KY: variants seen among roughly 807,000 people sequenced by gnomAD.
KY encodes kyphoscoliosis peptidase.
Under a neutral mutation model 76.1 loss-of-function variants are expected in KY, and 43 were observed. The observed-to-expected ratio is 0.57, with a 90% confidence interval of 0.44 to 0.73. KY has a LOEUF of 0.73. KY is among the 30% of genes least tolerant of loss of function. The pLI, the probability that KY is intolerant of heterozygous loss-of-function variation, is 0.00. For synonymous variants in KY, 277 were observed against 326.2 expected, an observed-to-expected ratio of 0.85 and a Z score of 1.63; for missense variants, 722 against 828.9, an observed-to-expected ratio of 0.87 and a Z score of 1.58.
chr3:134,627,782 C>T lies in KY; in HGVS notation c.374G>A (p.Arg125Gln), dbSNP rs1324864485. The T allele has an allele frequency of 1.1e-5, 18 of 1,613,748 alleles. No individual in the cohort carries two copies. Among genetic ancestry groups the T allele is most frequent in the Middle Eastern group, 1.6e-4 (1 of 6,084 alleles). Residue 125 changes from arginine to glutamine, a missense_variant, in exon 5 of 11, where the codon CGG becomes CAG. By Grantham distance (43) the Arg-to-Gln change is conservative. Coordinates refer to ENST00000423778, the MANE Select transcript of KY (RefSeq NM_178554.6). ...ATGGGCATCTTTCCCTCCAGGTTGC[C>T]GGGGTCTTGTGTTTCCATTTTTATC... ...QGDKNGNTRPRQPGGKDAHAY... is the reference protein window; with the variant it reads ...QGDKNGNTRPQQPGGKDAHAY...
intron 8 of KY, 78 bp downstream of exon 8, chr3:134,619,062 TGGCATGTG>T: frequency 9.0e-7 from 1 of 1,114,830 alleles, no homozygotes; most frequent in Non-Finnish European, 1.4e-6. Flanking sequence ...GTTTCAGGCC[TGGCATGTG>T]GGCAAAGGCA....
Position 134,602,287 on chromosome 3 carries a change from C to T in KY, c.*1292G>A, listed in dbSNP as rs1164554274. Among the ~76,000 whole-genome samples, 4 of 152,124 alleles carry T rather than the reference C, an allele frequency of 2.6e-5. No individual in the cohort carries two copies. Among genetic ancestry groups the T allele is most frequent in the African/African-American group, 9.7e-5 (4 of 41,434 alleles). ...CCCTCGCTGAAGTCAGCCTTTCCTC[C>T]GTTGCCATGGCAACGGCAGCCTGAG... On this transcript the variant is annotated 3_prime_UTR_variant, in exon 11 of 11. Coordinates refer to ENST00000423778, the MANE Select transcript of KY (RefSeq NM_178554.6).
chr3:134,650,900 C>G lies in KY; in HGVS notation c.61G>C (p.Glu21Gln). The change falls in exon 1 of 11, where the codon GAG (glutamate) becomes CAG (glutamine). Residue 21 changes from glutamate to glutamine, a missense_variant. Glu to Gln is a conservative substitution (Grantham distance 29). Coordinates refer to ENST00000423778, the MANE Select transcript of KY (RefSeq NM_178554.6). ...GTACCCTGTGCGGCGCGCCGCTTCT[C>G]CGAGTGCACGATCAGCAGCATGTCG... ...SIDMLLIVHS[E>Q]KRRAAQGTLS... is the part of the protein sequence containing the mutation. The G allele has an allele frequency of 6.2e-7, 1 of 1,613,224 alleles. No homozygotes were observed. Among genetic ancestry groups the G allele is most frequent in the Non-Finnish European group, 8.5e-7 (1 of 1,179,508 alleles).
chr3:134,611,786 A>T (rs1960509749), intron 8 of KY, among the ~76,000 whole-genome samples: 1 of 152,230 alleles, frequency 6.6e-6, no homozygotes, highest in Non-Finnish European at 1.5e-5. Flanking sequence ...CCAGGGCTGC[A>T]GCCTCAGTTG....
At chr3:134,608,406 A>G in intron 10 of KY, 1 of 1,473,820 alleles carries the variant, frequency 6.8e-7, no homozygotes, top group South Asian at 1.2e-5. Context: ...TTCTGGGTTT[A>G]TGCTAGTGTG....
intron 8 of KY, 91 bp from the exon 9 acceptor site, chr3:134,610,474 GC>G: frequency 9.2e-7 from 1 of 1,087,884 alleles, no homozygotes; most frequent in Non-Finnish European, 1.4e-6. Flanking sequence ...CATGTTTGCT[GC>G]CCATCAGTCC....
At chr3:134,614,193 A>G (rs967916495) in intron 8 of KY, among the ~76,000 whole-genome samples, 2 of 152,178 alleles carry the variant, frequency 1.3e-5, no homozygotes, top group African/African-American at 4.8e-5. Context: ...AGGAGCTGAG[A>G]GAGCACGGAA....
intron 2 of KY, among the ~76,000 whole-genome samples, chr3:134,644,237 G>A (rs565588275): frequency 5.9e-5 from 9 of 152,322 alleles, no homozygotes; most frequent in Non-Finnish European, 1.0e-4. Context: ...TGCAGGGCAT[G>A]CACGCTACAC....
intron 3 of KY, among the ~76,000 whole-genome samples, chr3:134,640,845 A>G (rs150865921): frequency 2.0e-4 from 31 of 152,256 alleles, no homozygotes; most frequent in African/African-American, 7.2e-4. Flanking sequence ...GGATTATCAC[A>G]ATGCCTCTTA....
At chr3:134,616,747 C>T (rs1478005567) in intron 8 of KY, among the ~76,000 whole-genome samples, 2 of 152,180 alleles carry the variant, frequency 1.3e-5, no homozygotes, top group East Asian at 3.8e-4. Context: ...AGGCAAGTGT[C>T]AATTTTCTGA....
Position 134,608,695 on chromosome 3 carries a change from G to T in KY, c.1044C>A (p.Asn348Lys). The T allele has an allele frequency of 6.2e-7, 1 of 1,614,060 alleles. No individual in the cohort carries two copies. The highest frequency in any genetic ancestry group is 8.5e-7 in the Non-Finnish European group (1 of 1,179,894). ...CTGGGTGGGCACTCAGCATCCCTTT[G>T]TTGTAGAATTCACTCTTGTGATACA... ...NNMYHKSEFYNKGMLSAHPET... is the reference protein window; with the variant it reads ...NNMYHKSEFYKKGMLSAHPET... The change falls in exon 10 of 11, where the codon AAC becomes AAA. Residue 348 changes from asparagine (N) to lysine (K), a missense_variant. This residue lies in a region of KY where 552 missense variants were observed against 680.9 expected (regional missense o/e 0.81). Coordinates refer to ENST00000423778, the MANE Select transcript of KY (RefSeq NM_178554.6).
chr3:134,602,515 C>A lies in KY; in HGVS notation c.*1064G>T, dbSNP rs1238005510. Reference sequence around the variant, plus strand: ...CAGCTGGAATTCTTCCCAGCCCTGGCTTTGCTGGTAGAGACACTGGGGGCA... The same window carrying A: ...CAGCTGGAATTCTTCCCAGCCCTGGATTTGCTGGTAGAGACACTGGGGGCA... On this transcript the variant is annotated 3_prime_UTR_variant, in exon 11 of 11. Transcript: ENST00000423778. Among the ~76,000 whole-genome samples, 1 of 152,210 alleles carries A rather than the reference C, an allele frequency of 6.6e-6. No homozygotes were observed. The highest frequency in any genetic ancestry group is 1.5e-5 in the Non-Finnish European group (1 of 68,026).
In KY at chr3:134,627,831, A is replaced by G; in HGVS notation, c.338-13T>C. The G allele has an allele frequency of 6.2e-7, 1 of 1,606,076 alleles. No individual in the cohort carries two copies. The highest frequency in any genetic ancestry group is 8.5e-7 in the Non-Finnish European group (1 of 1,172,732). On this transcript the variant is annotated splice_polypyrimidine_tract_variant and intron_variant, in intron 4 of 10. Transcript: ENST00000423778. ...TCACCTTGTAAACCTACAATATTCC[A>G]AAGATCAGAAGTATAGATACTTCAG... is the stretch of plus-strand genomic sequence containing the variant.
At chr3:134,643,266 T>C in intron 3 of KY, 50 bp downstream of exon 3, 2 of 1,583,146 alleles carry the variant, frequency 1.3e-6, no homozygotes, top group South Asian at 2.2e-5. Context: ...GAGCATCAGG[T>C]CTGGGCACAC....
At chr3:134,611,693 CAGCTG>C (rs1239339281) in intron 8 of KY, among the ~76,000 whole-genome samples, 2 of 152,242 alleles carry the variant, frequency 1.3e-5, no homozygotes, top group Non-Finnish European at 2.9e-5. Context: ...GTGCTGTACT[CAGCTG>C]AGCTGAGTCT....
chr3:134,604,152 A>AG lies in KY; in HGVS notation c.1412dup (p.Ile472TyrfsTer20). 6.2e-7 allele frequency: 1 copy of AG among 1,607,880 alleles called. No individual in the cohort carries two copies. The highest frequency in any genetic ancestry group is 2.2e-5 in the East Asian group (1 of 44,668). On this transcript the variant is annotated frameshift_variant, in exon 11 of 11. Transcript: ENST00000423778. LOFTEE classifies it high-confidence loss of function. ...AGCGCCCGTCGCTGGTGTGGATGAT[A>AG]GGGTCAGGGTGGGAGGGCTTCATGA...
rs1360914931 is a variant in KY, at chr3:134,651,015, C to A, written c.-55G>T. On this transcript the variant is annotated 5_prime_UTR_variant, in exon 1 of 11. Coordinates refer to ENST00000423778, the MANE Select transcript of KY (RefSeq NM_178554.6). ...GCGGCCGCACGCTAGGCTGCTTGCG[C>A]TGCAAATGGCCCCGTGCGCGCAGCT... 5 of 1,609,598 alleles carry A rather than the reference C, an allele frequency of 3.1e-6. No individual in the cohort carries two copies. Among genetic ancestry groups the A allele is most frequent in the Non-Finnish European group, 4.2e-6 (5 of 1,178,066 alleles).
Position 134,619,282 on chromosome 3 carries a change from G to A in KY, c.593-17C>T, listed in dbSNP as rs768234504. 2 of 1,594,030 alleles carry A rather than the reference G, an allele frequency of 1.3e-6. No homozygotes were observed. Among genetic ancestry groups the A allele is most frequent in the East Asian group, 2.2e-5 (1 of 44,764 alleles). ...TGTCATACTCTATAGGGCAGGTGAG[G>A]GGATCATGAAGAGCTTGAGCCTGGG... is the stretch of plus-strand genomic sequence containing the variant. On this transcript the variant is annotated splice_polypyrimidine_tract_variant and intron_variant, in intron 7 of 10. Coordinates refer to ENST00000423778, the MANE Select transcript of KY (RefSeq NM_178554.6).
In KY at chr3:134,601,682, G is replaced by T. The variant is rs900116018; in HGVS notation, c.*1897C>A. 1.3e-5 allele frequency among the ~76,000 whole-genome samples: 2 copies of T among 152,256 alleles called. No homozygotes were observed. The highest frequency in any genetic ancestry group is 2.4e-5 in the African/African-American group (1 of 41,462). On this transcript the variant is annotated 3_prime_UTR_variant, in exon 11 of 11. Transcript: ENST00000423778. ...GGTGGCAGAGACTGCGGAGGGCGCAGGACCTGCCCAGGACAGTTCAGCCCC... is the reference window on the plus strand; with the variant it reads ...GGTGGCAGAGACTGCGGAGGGCGCATGACCTGCCCAGGACAGTTCAGCCCC...
Sources: gnomAD v4.1 joint callset for allele counts (sites outside exome capture counted in the v4.1 genomes callset) on GRCh38, gnomAD v4.1.1 for gene constraint, gnomAD v4.1.1 regional missense constraint, MANE v1.5 for transcripts, NCBI Gene and HGNC (gene_info 2026-07-23, HGNC 2026-07-21) for gene names.